The following ZDHHC15 variants were observed in gnomAD, a reference collection of about 807,000 sequenced individuals.
ZDHHC15 encodes palmitoyltransferase ZDHHC15.
A neutral mutation model predicts 31.7 loss-of-function variants in ZDHHC15; 19 were observed. That is an observed-to-expected ratio of 0.60 (90% CI 0.42 to 0.88). The LOEUF is 0.88. Among genes scored for constraint, ZDHHC15 ranks in the 40% least tolerant of loss-of-function variants. The pLI, the probability that ZDHHC15 is intolerant of heterozygous loss-of-function variation, is 0.00. For missense variants in ZDHHC15, 209 were observed against 251.2 expected, an observed-to-expected ratio of 0.83 and a Z score of 1.14; for synonymous variants, 103 against 90.0, an observed-to-expected ratio of 1.14 and a Z score of -0.82.
At chrX:75,475,649 G>T (rs1037449668) in intron 3 of ZDHHC15, among the ~76,000 whole-genome samples, 1 of 112,082 alleles carries the variant, frequency 8.9e-6, no homozygotes. Context: ...AAATCAGGAA[G>T]TGTGAAGCTA....
rs750371681 is a variant in ZDHHC15 at position 75,369,023 on chromosome X, C to T, written c.*3955G>A. ...TTAAAGAAATGCAGATGTACCATAC[C>T]TCATCAACCAATTCCTAACGAGATG... On this transcript the variant is annotated 3_prime_UTR_variant, in exon 12 of 12. Coordinates refer to ENST00000373367, the MANE Select transcript of ZDHHC15 (RefSeq NM_144969.3). 1 of 111,591 alleles carries T rather than the reference C, an allele frequency of 9.0e-6. No individual in the cohort carries two copies. The highest frequency in any genetic ancestry group is 2.8e-4 in the East Asian group (1 of 3,549). The allele number at this position is 111,591 out of a possible 1,213,427, so 9.2% of individuals were successfully genotyped here.
rs750270013 is a variant in ZDHHC15, at chrX:75,392,961, C to A, written c.968-13763G>T. On this transcript the variant is annotated intron_variant, in intron 10 of 11. Coordinates refer to ENST00000373367, the MANE Select transcript of ZDHHC15 (RefSeq NM_144969.3). The stretch of plus-strand genomic sequence containing the variant: ...TTTTTTTTTTTTCCTGATAAAGTGA[C>A]CCAAACCTTCATTCCTGAAGGGTCT... Among the ~76,000 whole-genome samples, 24 of 108,538 alleles carry A rather than the reference C, an allele frequency of 2.2e-4. 1 individual carries two copies. The highest frequency in any genetic ancestry group is 3.6e-4 in the Non-Finnish European group (19 of 52,307). 94.3% of individuals were successfully genotyped at this position (108,538 alleles called of 115,157 possible).
intron 10 of ZDHHC15, among the ~76,000 whole-genome samples, chrX:75,407,775 G>C (rs1411559681): frequency 8.9e-6 from 1 of 112,951 alleles, no homozygotes; most frequent in Non-Finnish European, 1.9e-5. Context: ...AGAAAGGGGG[G>C]AAATGTGGGG....
At chrX:75,440,568 C>T (rs185175293) in intron 4 of ZDHHC15, among the ~76,000 whole-genome samples, 4 of 112,819 alleles carry the variant, frequency 3.5e-5, no homozygotes, top group Admixed American at 1.9e-4. Context: ...CGTGAGCCAC[C>T]GTGCCCAACC....
rs147338850 is a variant in ZDHHC15, at chrX:75,510,241, C to A, written c.137-4394G>T. ...CATAGCACAACTTTGGATGGAGGTG[C>A]AGAAATTTGTATTTGAAAACCTCAG... is the stretch of plus-strand genomic sequence containing the variant. On this transcript the variant is annotated intron_variant, in intron 1 of 11. Transcript: ENST00000373367. 7.8e-3 allele frequency among the ~76,000 whole-genome samples: 874 copies of A among 111,396 alleles called. 11 individuals carry two copies. Among genetic ancestry groups the A allele is most frequent in the African/African-American group, 0.026 (805 of 30,781 alleles).
At chrX:75,519,104 A>T (rs1387214879) in intron 1 of ZDHHC15, among the ~76,000 whole-genome samples, 1 of 109,580 alleles carries the variant, frequency 9.1e-6, no homozygotes, top group African/African-American at 3.3e-5. Flanking sequence ...TGGGATAACA[A>T]AAACATTTTG....
intron 2 of ZDHHC15, among the ~76,000 whole-genome samples, chrX:75,483,760 T>A (rs1047417240): frequency 4.5e-5 from 5 of 110,780 alleles, no homozygotes; most frequent in African/African-American, 1.6e-4. Context: ...TTATTCTGCA[T>A]GTATAATTTG....
At chrX:75,458,485 G>A (rs2084260021) in intron 3 of ZDHHC15, among the ~76,000 whole-genome samples, 1 of 111,366 alleles carries the variant, frequency 9.0e-6, no homozygotes, top group Non-Finnish European at 1.9e-5. Context: ...AAAATTAGCA[G>A]AACAAATAAT....
intron 2 of ZDHHC15, among the ~76,000 whole-genome samples, chrX:75,494,637 C>A (rs1248726270): frequency 6.3e-5 from 7 of 111,946 alleles, no homozygotes; most frequent in Admixed American, 1.9e-4. Flanking sequence ...CGCTTATCTA[C>A]AACCATCTGA....
chrX:75,411,565 A>G (rs977996398), intron 10 of ZDHHC15, among the ~76,000 whole-genome samples: 1 of 112,808 alleles, frequency 8.9e-6, no homozygotes, highest in Non-Finnish European at 1.9e-5. Context: ...TAGCCTAAAT[A>G]AAAGATAAAT....
At chrX:75,411,162 C>T (rs184275981) in intron 10 of ZDHHC15, among the ~76,000 whole-genome samples, 18 of 111,003 alleles carry the variant, frequency 1.6e-4, no homozygotes, top group African/African-American at 4.9e-4. Flanking sequence ...GAAATAAGAC[C>T]TTGTGTTTGA....
In ZDHHC15 at chrX:75,371,348, T is replaced by A. The variant is rs2083004540; in HGVS notation, c.*1630A>T. 8.9e-6 allele frequency: 1 copy of A among 112,099 alleles called. No individual in the cohort carries two copies. The highest frequency in any genetic ancestry group is 1.9e-5 in the Non-Finnish European group (1 of 53,253). 9.2% of individuals were successfully genotyped at this position (112,099 alleles called of 1,213,427 possible). ...GTCATCTAGGCTGCTTTTTAGCTTCTGAGTTTGAGAAAGTCACTAGCCCTA... is the reference window on the plus strand; with the variant it reads ...GTCATCTAGGCTGCTTTTTAGCTTCAGAGTTTGAGAAAGTCACTAGCCCTA... On this transcript the variant is annotated 3_prime_UTR_variant, in exon 12 of 12. Transcript: ENST00000373367.
At chrX:75,474,709 G>GATCT (rs977977326) in intron 3 of ZDHHC15, among the ~76,000 whole-genome samples, 2 of 108,045 alleles carry the variant, frequency 1.9e-5, no homozygotes, top group African/African-American at 6.7e-5. Context: ...TTTTAAAACT[G>GATCT]ATCTGCACAT....
At chrX:75,463,723 A>G (rs1199569032) in intron 3 of ZDHHC15, among the ~76,000 whole-genome samples, 1 of 112,004 alleles carries the variant, frequency 8.9e-6, no homozygotes, top group Non-Finnish European at 1.9e-5. Context: ...AGAGAAATGC[A>G]AATCAAAACC....
chrX:75,510,476 GTT>G (rs373085476), intron 1 of ZDHHC15, among the ~76,000 whole-genome samples: 4 of 52,967 alleles, frequency 7.6e-5, no homozygotes, highest in East Asian at 4.9e-4. Context: ...TGTTTCTTCT[GTT>G]TTTTTTTTTT....
intron 11 of ZDHHC15, among the ~76,000 whole-genome samples, chrX:75,374,349 C>T (rs1490585182): frequency 3.7e-5 from 4 of 109,581 alleles, no homozygotes; most frequent in South Asian, 4.0e-4. Flanking sequence ...CAAACCTGCA[C>T]GTTCTGCACA....
intron 8 of ZDHHC15, among the ~76,000 whole-genome samples, chrX:75,423,614 G>A (rs975688431): frequency 2.0e-5 from 2 of 100,219 alleles, no homozygotes; most frequent in African/African-American, 3.7e-5. Context: ...CCTTTAGGTT[G>A]ATTCCACGGC....
chrX:75,419,101 A>G (rs1193640915), intron 9 of ZDHHC15, among the ~76,000 whole-genome samples: 2 of 111,844 alleles, frequency 1.8e-5, no homozygotes, highest in Non-Finnish European at 3.8e-5. Flanking sequence ...TAACTTAAAC[A>G]TATTTACAAG....
intron 10 of ZDHHC15, among the ~76,000 whole-genome samples, chrX:75,410,971 G>C (rs1475136133): frequency 8.9e-6 from 1 of 111,769 alleles, no homozygotes; most frequent in Non-Finnish European, 1.9e-5. Context: ...ATTACGTTAA[G>C]GAAATAAGCC....
Sources: gnomAD v4.1 joint callset for allele counts (sites outside exome capture counted in the v4.1 genomes callset) on GRCh38, gnomAD v4.1.1 for gene constraint, MANE v1.5 for transcripts, NCBI Gene and HGNC (gene_info 2026-07-23, HGNC 2026-07-21) for gene names.